The following RIMS1 variants were observed in gnomAD, a reference collection of about 807,000 sequenced individuals.
The protein encoded by RIMS1 is regulating synaptic membrane exocytosis protein 1.
A neutral mutation model predicts 214.1 loss-of-function variants in RIMS1; 83 were observed. That is an observed-to-expected ratio of 0.39 (90% CI 0.32 to 0.47). The LOEUF (loss-of-function observed/expected upper bound fraction) is 0.47. RIMS1 is among the 20% of genes least tolerant of loss of function. The pLI is 0.99. For synonymous variants in RIMS1, 793 were observed against 786.8 expected, an observed-to-expected ratio of 1.01 and a Z score of -0.13; for missense variants, 2,050 against 2,161.8, an observed-to-expected ratio of 0.95 and a Z score of 1.03.
chr6:72,234,409 C>G (rs111682477), intron 7 of RIMS1, among the ~76,000 whole-genome samples: 1 of 151,870 alleles, frequency 6.6e-6, no homozygotes, highest in East Asian at 1.9e-4. Flanking sequence ...AGGCCTTTTT[C>G]GAGCAGTTTT....
chr6:72,273,450 A>G (rs1056874836), intron 22 of RIMS1, among the ~76,000 whole-genome samples: 17 of 152,106 alleles, frequency 1.1e-4, no homozygotes, highest in Non-Finnish European at 2.2e-4. Flanking sequence ...ATTCTGACCC[A>G]TTCAGTGTCT....
intron 1 of RIMS1, among the ~76,000 whole-genome samples, chr6:71,892,491 A>G (rs1412237942): frequency 6.6e-6 from 1 of 151,944 alleles, no homozygotes; most frequent in Non-Finnish European, 1.5e-5. Flanking sequence ...CCCTTTTCTG[A>G]GGGTGGACTC....
intron 23 of RIMS1, among the ~76,000 whole-genome samples, chr6:72,283,586 G>A (rs1185609155): frequency 1.3e-5 from 2 of 151,774 alleles, no homozygotes; most frequent in African/African-American, 4.8e-5. Flanking sequence ...ATTTGTGGGG[G>A]ACAAATCAAA....
intron 2 of RIMS1, among the ~76,000 whole-genome samples, chr6:72,035,679 C>T (rs1819428446): frequency 1.3e-5 from 2 of 152,228 alleles, no homozygotes; most frequent in East Asian, 3.9e-4. Context: ...CCTCAGGTTG[C>T]CTTAGTGACT....
At chr6:72,371,746 A>T (rs569006712) in intron 29 of RIMS1, among the ~76,000 whole-genome samples, 1 of 151,354 alleles carries the variant, frequency 6.6e-6, no homozygotes, top group East Asian at 2.0e-4. Context: ...TAGATAGACG[A>T]GCCCCTTAGC....
chr6:72,217,151 G>A (rs1292603030), intron 6 of RIMS1: 2 of 1,535,218 alleles, frequency 1.3e-6, no homozygotes, highest in African/African-American at 1.4e-5. Context: ...ATGATTTGAT[G>A]CCAGTGGCAT....
intron 27 of RIMS1, among the ~76,000 whole-genome samples, chr6:72,310,323 G>A (rs937804488): frequency 2.0e-5 from 3 of 151,966 alleles, no homozygotes; most frequent in African/African-American, 7.2e-5. Context: ...TCCATCCTGA[G>A]TAAGGAATTA....
chr6:72,134,624 C>G (rs955085680), intron 4 of RIMS1, among the ~76,000 whole-genome samples: 1 of 151,992 alleles, frequency 6.6e-6, no homozygotes, highest in Non-Finnish European at 1.5e-5. Flanking sequence ...ATATTCTCTA[C>G]TTAGTATTTG....
chr6:72,296,903 T>G (rs184727792), intron 26 of RIMS1, among the ~76,000 whole-genome samples: 72 of 151,948 alleles, frequency 4.7e-4, no homozygotes, highest in African/African-American at 1.6e-3. Flanking sequence ...AACCCAGATC[T>G]TTTTACTTTC....
At chr6:72,190,806 G>T (rs1362978104) in intron 6 of RIMS1, among the ~76,000 whole-genome samples, 1 of 152,178 alleles carries the variant, frequency 6.6e-6, no homozygotes, top group Non-Finnish European at 1.5e-5. Flanking sequence ...TTTATGGCTA[G>T]ATGGGTCAGA....
chr6:72,216,783 G>C, intron 6 of RIMS1: 1 of 989,214 alleles, frequency 1.0e-6, no homozygotes, highest in Non-Finnish European at 1.2e-6. Context: ...GGACCACAAC[G>C]TTTCATCTCT....
chr6:72,290,587 C>A, intron 24 of RIMS1, 92 bp from the exon 25 acceptor site: 1 of 1,059,384 alleles, frequency 9.4e-7, no homozygotes, highest in Non-Finnish European at 1.4e-6. Context: ...CTGTCATGTA[C>A]GAGTAACCAG....
rs186936810 is a variant in RIMS1 at position 72,029,317 on chromosome 6, A to G, written c.245+60254A>G. 1.9e-3 allele frequency among the ~76,000 whole-genome samples: 287 copies of G among 152,352 alleles called. 1 individual carries two copies. The highest frequency in any genetic ancestry group is 6.4e-3 in the African/African-American group (265 of 41,588). On this transcript the variant is annotated intron_variant, in intron 2 of 33. Coordinates refer to ENST00000521978, the MANE Select transcript of RIMS1 (RefSeq NM_014989.7). Reference sequence around the variant, plus strand: ...ATATAATTTTCATGTTAAGTTATAAATAATAGTTTCTACATATTATAGTCT... The same window carrying G: ...ATATAATTTTCATGTTAAGTTATAAGTAATAGTTTCTACATATTATAGTCT...
At chr6:72,120,260 A>C (rs2037980134) in intron 4 of RIMS1, among the ~76,000 whole-genome samples, 1 of 151,916 alleles carries the variant, frequency 6.6e-6, no homozygotes, top group Non-Finnish European at 1.5e-5. Flanking sequence ...ACTAGTTTAC[A>C]GTCCCACCAA....
chr6:71,994,803 T>C (rs1802886864), intron 2 of RIMS1, among the ~76,000 whole-genome samples: 2 of 152,326 alleles, frequency 1.3e-5, no homozygotes, highest in Admixed American at 6.5e-5. Context: ...CCTTAAATTA[T>C]GTTTGTTGCC....
intron 29 of RIMS1, among the ~76,000 whole-genome samples, chr6:72,389,289 C>T (rs2098664390): frequency 6.6e-6 from 1 of 152,046 alleles, no homozygotes; most frequent in Non-Finnish European, 1.5e-5. Flanking sequence ...TTATAGGGGG[C>T]ATTCAATGTT....
chr6:72,142,899 G>A (rs1342964272), intron 4 of RIMS1, among the ~76,000 whole-genome samples: 1 of 152,098 alleles, frequency 6.6e-6, no homozygotes, highest in African/African-American at 2.4e-5. Context: ...GAAGTACATG[G>A]TTAAAACTCT....
At chr6:72,164,383 ACTGCACCCACTGTC>A (rs1326307031) in intron 4 of RIMS1, among the ~76,000 whole-genome samples, 3 of 151,946 alleles carry the variant, frequency 2.0e-5, no homozygotes, top group Admixed American at 1.3e-4. Context: ...CACTCGGTGC[ACTGCACCCACTGTC>A]CTGCACCCAC....
chr6:72,208,943 G>C (rs1055183914), intron 6 of RIMS1, among the ~76,000 whole-genome samples: 1 of 152,070 alleles, frequency 6.6e-6, no homozygotes, highest in Non-Finnish European at 1.5e-5. Context: ...CATATGGTTG[G>C]GTCAGGGTCT....
Sources: allele counts gnomAD v4.1 joint callset (sites outside exome capture counted in the v4.1 genomes callset), GRCh38; gene constraint gnomAD v4.1.1; transcripts MANE v1.5; gene names NCBI Gene and HGNC (gene_info 2026-07-23, HGNC 2026-07-21).